DCDC2: variants seen among roughly 807,000 people sequenced by gnomAD.
DCDC2 encodes doublecortin domain-containing protein 2.
Under a neutral mutation model 50.2 loss-of-function variants are expected in DCDC2, and 40 were observed. The observed-to-expected ratio is 0.80, with a 90% CI of 0.62 to 1.04. The LOEUF (loss-of-function observed/expected upper bound fraction) is 1.04. DCDC2 is among the 50% of genes least tolerant of loss of function. The probability of loss-of-function intolerance (pLI) is 0.00; values close to 1 mark genes in which losing one functional copy is unlikely to be tolerated. For synonymous variants in DCDC2, 234 were observed against 210.6 expected, an observed-to-expected ratio of 1.11 and a Z score of -0.96; for missense variants, 570 against 581.9, an observed-to-expected ratio of 0.98 and a Z score of 0.21.
the DCDC2 span, among the ~76,000 whole-genome samples, chr6:24,374,963 C>A: frequency 7.2e-5 from 11 of 152,172 alleles, no homozygotes; most frequent in Admixed American, 6.5e-5. Context: ...GAGAGGGAGA[C>A]CCTGACCCCA....
At chr6:24,233,842 G>A (rs565678932) in intron 7 of DCDC2, among the ~76,000 whole-genome samples, 3 of 152,216 alleles carry the variant, frequency 2.0e-5, no homozygotes, top group African/African-American at 7.2e-5. Context: ...ATATAGGATG[G>A]TGAAATTTAG....
In DCDC2 at chr6:24,353,076, G is replaced by A. The variant is rs954817470; in HGVS notation, c.348+493C>T. Among the ~76,000 whole-genome samples the A allele has an allele frequency of 8.5e-5, 13 of 152,206 alleles. No individual in the cohort carries two copies. In the South Asian group the frequency reaches 2.1e-3, roughly 24 times the overall value. The stretch of plus-strand genomic sequence containing the variant: ...AGCTTTCACGAACTATGCTTAACTC[G>A]TACTTCGATAGAAGCTAAAACACAG... On this transcript the variant is annotated intron_variant, in intron 2 of 9. Coordinates refer to ENST00000378454, the MANE Select transcript of DCDC2 (RefSeq NM_016356.5).
At chr6:24,262,441 T>C (rs1183591946) in intron 7 of DCDC2, among the ~76,000 whole-genome samples, 1 of 152,056 alleles carries the variant, frequency 6.6e-6, no homozygotes, top group Non-Finnish European at 1.5e-5. Context: ...CCACAAAGAG[T>C]GCAACTCCTG....
intron 7 of DCDC2, among the ~76,000 whole-genome samples, chr6:24,257,870 A>T (rs1762926625): frequency 6.6e-6 from 1 of 152,216 alleles, no homozygotes; most frequent in Admixed American, 6.5e-5. Context: ...GCTTAAATCA[A>T]GGATGGTCAG....
intron 7 of DCDC2, among the ~76,000 whole-genome samples, chr6:24,263,065 G>T (rs985995267): frequency 3.9e-5 from 6 of 152,234 alleles, no homozygotes; most frequent in Non-Finnish European, 8.8e-5. Context: ...AAGAGAAGGG[G>T]AAAAGAGTCT....
chr6:24,174,933 T>C (rs897369124), intron 9 of DCDC2, 99 bp from the exon 10 acceptor site: 2 of 605,632 alleles, frequency 3.3e-6, no homozygotes, highest in African/African-American at 3.8e-5. Flanking sequence ...TATTTAATTA[T>C]ATAAATATTT....
chr6:24,323,719 AACTACC>A (rs1330731876), intron 2 of DCDC2, among the ~76,000 whole-genome samples: 1 of 152,048 alleles, frequency 6.6e-6, no homozygotes, highest in African/African-American at 2.4e-5. Flanking sequence ...GTGTGATAAA[AACTACC>A]ACCTGAGGCA....
chr6:24,203,269 T>C (rs898070518), intron 8 of DCDC2, among the ~76,000 whole-genome samples: 1 of 152,234 alleles, frequency 6.6e-6, no homozygotes, highest in African/African-American at 2.4e-5. Flanking sequence ...AACAGCATGA[T>C]GCTGGTACCA....
chr6:24,308,044 T>C (rs1759506265), intron 2 of DCDC2, among the ~76,000 whole-genome samples: 1 of 152,176 alleles, frequency 6.6e-6, no homozygotes. Context: ...CCTGTGTTAG[T>C]CAGCATGACC....
At chr6:24,219,693 C>G (rs145761353) in intron 7 of DCDC2, among the ~76,000 whole-genome samples, 296 of 152,316 alleles carry the variant, frequency 1.9e-3, no homozygotes, top group African/African-American at 6.7e-3. Context: ...ATTTAATGCT[C>G]CACTATCACC....
the DCDC2 span, among the ~76,000 whole-genome samples, chr6:24,370,236 A>G: frequency 1.9e-4 from 29 of 152,338 alleles, no homozygotes; most frequent in East Asian, 5.6e-3. Flanking sequence ...ATAGTTTAAA[A>G]GAAAAAAATA....
At chr6:24,273,881 T>C (rs986402150) in intron 7 of DCDC2, among the ~76,000 whole-genome samples, 7 of 152,286 alleles carry the variant, frequency 4.6e-5, no homozygotes, top group African/African-American at 1.4e-4. Context: ...CAGACATCCT[T>C]CTGCCGGCAC....
chr6:24,235,804 A>G (rs2113786841), intron 7 of DCDC2, among the ~76,000 whole-genome samples: 1 of 152,330 alleles, frequency 6.6e-6, no homozygotes, highest in East Asian at 1.9e-4. Context: ...GCATTTCTAC[A>G]CACCAATAAT....
At chr6:24,249,356 G>A (rs1762751424) in intron 7 of DCDC2, among the ~76,000 whole-genome samples, 1 of 152,192 alleles carries the variant, frequency 6.6e-6, no homozygotes, top group Non-Finnish European at 1.5e-5. Flanking sequence ...TGAGTCCCAT[G>A]TAAGAAGACA....
chr6:24,229,862 T>G (rs1415376793), intron 7 of DCDC2, among the ~76,000 whole-genome samples: 1 of 152,078 alleles, frequency 6.6e-6, no homozygotes, highest in Non-Finnish European at 1.5e-5. Flanking sequence ...AGTGTAGAAG[T>G]CAGAGGGTGC....
intron 2 of DCDC2, among the ~76,000 whole-genome samples, chr6:24,324,938 T>A (rs1390361010): frequency 6.7e-6 from 1 of 150,028 alleles, no homozygotes; most frequent in Non-Finnish European, 1.5e-5. Context: ...GAGAGAGAGC[T>A]ATGACACTTT....
intron 2 of DCDC2, among the ~76,000 whole-genome samples, chr6:24,322,506 T>TTTTC (rs1554119023): frequency 6.6e-6 from 1 of 150,970 alleles, no homozygotes; most frequent in East Asian, 1.9e-4. Context: ...TTTTTTTTTT[T>TTTTC]CCAGATCCAG....
At chr6:24,375,934 A>G in the DCDC2 span, among the ~76,000 whole-genome samples, 3 of 152,152 alleles carry the variant, frequency 2.0e-5, no homozygotes, top group Non-Finnish European at 4.4e-5. Context: ...AGCTGTATCT[A>G]TCACTGGGAT....
intron 2 of DCDC2, among the ~76,000 whole-genome samples, chr6:24,321,743 G>A (rs559999777): frequency 6.6e-6 from 1 of 152,234 alleles, no homozygotes; most frequent in East Asian, 1.9e-4. Context: ...CTCTGTGGGA[G>A]GATAGGATCC....
Sources: allele counts gnomAD v4.1 joint callset (sites outside exome capture counted in the v4.1 genomes callset), GRCh38; gene constraint gnomAD v4.1.1; transcripts MANE v1.5; gene names NCBI Gene and HGNC (gene_info 2026-07-23, HGNC 2026-07-21).